Variants in VPS13D observed in about 807,000 individuals in gnomAD.
VPS13D encodes the protein vacuolar protein sorting 13 homolog D.
In VPS13D, 187 loss-of-function variants were observed where a neutral mutation model predicts 461.9. The observed-to-expected ratio is 0.40, with a 90% confidence interval of 0.36 to 0.46. The LOEUF (loss-of-function observed/expected upper bound fraction) is 0.46, where lower values mean the gene tolerates loss of function less well. VPS13D is among the 20% of genes least tolerant of loss of function. VPS13D has a pLI of 0.60. For missense variants in VPS13D, 4,711 were observed against 5,364.9 expected (o/e 0.88, Z 3.81); for synonymous variants, 1,951 against 1,986.3 (o/e 0.98, Z 0.47).
At position 12,258,047 on chromosome 1, in the gene VPS13D, T is replaced by TA; in HGVS notation, c.1055dup (p.Tyr352Ter). The TA allele has an allele frequency of 1.2e-6, 2 of 1,614,206 alleles. No individual in the cohort carries two copies. Among genetic ancestry groups the TA allele is most frequent in the Non-Finnish European group, 1.7e-6 (2 of 1,180,032 alleles). The part of the protein sequence containing the change: ...MLHRARDAVS[Y>*]TDKYFNKLKG... ...GCACCGCGCTCGTGATGCTGTATCT[T>TA]ACACTGACAAATATTTCAACAAGTT... is the stretch of plus-strand genomic sequence containing the variant. Residue 352 changes from tyrosine to a stop codon, truncating the protein, a stop_gained and frameshift_variant, in exon 10 of 70, where the codon TAC becomes TAAC. Transcript: ENST00000620676. LOFTEE classifies it high-confidence loss of function.
intron 27 of VPS13D, among the ~76,000 whole-genome samples, chr1:12,309,840 C>G (rs1642683395): frequency 1.3e-5 from 2 of 151,574 alleles, no homozygotes; most frequent in South Asian, 4.2e-4. Flanking sequence ...TTTTTGGCCA[C>G]TCCCTTCACA....
intron 10 of VPS13D, 74 bp from the exon 11 acceptor site, chr1:12,260,619 G>C: frequency 8.1e-7 from 1 of 1,229,152 alleles, no homozygotes; most frequent in Non-Finnish European, 1.2e-6. Flanking sequence ...TTAGTGGCTT[G>C]TGAGGGTGTC....
chr1:12,367,452 G>A (rs1644051588), intron 52 of VPS13D, among the ~76,000 whole-genome samples: 1 of 152,050 alleles, frequency 6.6e-6, no homozygotes, highest in East Asian at 1.9e-4. Context: ...ATCCCATTGA[G>A]GGAATAATTT....
At chr1:12,441,652 G>A (rs1382195280) in intron 65 of VPS13D, among the ~76,000 whole-genome samples, 1 of 152,138 alleles carries the variant, frequency 6.6e-6, no homozygotes. Flanking sequence ...GCTGATGTTG[G>A]CACGACTCCA....
chr1:12,400,960 G>GCGCGCA (rs1553188683), intron 61 of VPS13D, among the ~76,000 whole-genome samples: 2 of 130,964 alleles, frequency 1.5e-5, no homozygotes, highest in African/African-American at 6.1e-5. Flanking sequence ...ACCTGCGCGC[G>GCGCGCA]CGCACACACA....
At position 12,266,910 on chromosome 1, in the gene VPS13D, C is replaced by G. The variant is rs956643566; in HGVS notation, c.1624C>G (p.Arg542Gly). ...AAAACTTCTAGCAGAGTCTCTTCCT[C>G]GAAGAAATTCCTCGTTGCTTTCAGT... ...DVKLLAESLP[R>G]RNSSLLSVRL... Residue 542 changes from arginine to glycine, a missense_variant, in exon 14 of 70, where the codon CGA (arginine) becomes GGA (glycine). Arg to Gly is a moderately radical substitution (Grantham distance 125). This residue lies in a region of VPS13D where 4,411 missense variants were observed against 4,937.8 expected (regional missense o/e 0.89). Coordinates refer to ENST00000620676, the MANE Select transcript of VPS13D (RefSeq NM_015378.4). 6.2e-7 allele frequency: 1 copy of G among 1,604,068 alleles called. No individual in the cohort carries two copies. Among genetic ancestry groups the G allele is most frequent in the Admixed American group, 1.8e-5 (1 of 57,114 alleles).
At position 12,261,053 on chromosome 1, in the gene VPS13D, T is replaced by G. The variant is rs1342763370; in HGVS notation, c.1318T>G (p.Trp440Gly). The change falls in exon 12 of 70, where the codon TGG becomes GGG. Residue 440 changes from tryptophan to glycine, a missense_variant. Physicochemically the swap from Trp to Gly is radical, Grantham distance 184. Transcript: ENST00000620676. ...LQYLQSWFPGWGGWYGQQTPE... is the reference protein window; with the variant it reads ...LQYLQSWFPGGGGWYGQQTPE... ...GTATCTCCAGTCCTGGTTTCCTGGA[T>G]GGGGTGGCTGGTACGGGCAGCAGAC... 20 of 1,613,950 alleles carry G rather than the reference T, an allele frequency of 1.2e-5. No homozygotes were observed. The highest frequency in any genetic ancestry group is 5.0e-5 in the Admixed American group (3 of 60,000).
intron 55 of VPS13D, 41 bp from the exon 56 acceptor site, chr1:12,378,387 C>G: frequency 6.6e-7 from 1 of 1,523,118 alleles, no homozygotes. Flanking sequence ...TGTGGCTGCC[C>G]ATAATGGCTC....
In VPS13D at chr1:12,268,882, CT is replaced by C. The variant is rs1238482147; in HGVS notation, c.1972+12del. The C allele has an allele frequency of 8.7e-6, 14 of 1,600,338 alleles. No individual in the cohort carries two copies. The highest frequency in any genetic ancestry group is 1.4e-5 in the African/African-American group (1 of 73,862). On this transcript the variant is annotated splice_region_variant and intron_variant, in intron 16 of 69. Transcript: ENST00000620676. ...GGGAAAGGTTCATACCTCAGGTTAA[CT>C]TTTTTGTTTGTTTGATCTTATGTTC...
At position 12,356,795 on chromosome 1, in the gene VPS13D, G is replaced by A. The variant is rs536674703; in HGVS notation, c.9998+271G>A. Among the ~76,000 whole-genome samples, 4 of 152,256 alleles carry A rather than the reference G, an allele frequency of 2.6e-5. No individual in the cohort carries two copies. The South Asian group carries it at 8.3e-4, about 32-fold the overall frequency. ...TTTTCCTATTCATAACTCTGCCAACGAAGAGAAAGCCACGAGTTCTCCTTC... is the reference window on the plus strand; with the variant it reads ...TTTTCCTATTCATAACTCTGCCAACAAAGAGAAAGCCACGAGTTCTCCTTC... On this transcript the variant is annotated intron_variant, in intron 49 of 69. Transcript: ENST00000620676.
At chr1:12,448,957 GGCC>G (rs1322211248) in intron 65 of VPS13D, among the ~76,000 whole-genome samples, 1 of 152,162 alleles carries the variant, frequency 6.6e-6, no homozygotes, top group Non-Finnish European at 1.5e-5. Context: ...ACAGTCCTGA[GGCC>G]TGACTTCCTT....
intron 67 of VPS13D, among the ~76,000 whole-genome samples, chr1:12,486,648 T>C (rs1280115091): frequency 1.3e-5 from 2 of 152,222 alleles, no homozygotes; most frequent in African/African-American, 2.4e-5. Context: ...CCCCCCCACG[T>C]TGGAATGATC....
intron 37 of VPS13D, among the ~76,000 whole-genome samples, chr1:12,332,415 T>TA (rs1481169730): frequency 6.6e-6 from 1 of 152,228 alleles, no homozygotes; most frequent in African/African-American, 2.4e-5. Context: ...GATGTAGCAG[T>TA]ATGCTCAACA....
In VPS13D at chr1:12,342,979, G is replaced by C; in HGVS notation, c.8813G>C (p.Ser2938Thr). Reference sequence around the variant, plus strand: ...TTTCTCGATGATACTCACAATGTTAGTGAATGGCGAGAAGTCCTTACAGGT... The same window carrying C: ...TTTCTCGATGATACTCACAATGTTACTGAATGGCGAGAAGTCCTTACAGGT... ...GTFLDDTHNV[S>T]EWREVLTGEE... Residue 2938 changes from serine (S) to threonine (T), a missense_variant, in exon 42 of 70, where the codon AGT becomes ACT. By Grantham distance (58) the Ser-to-Thr change is moderately conservative. Around this residue, in one of 3 missense-constraint regions of VPS13D, gnomAD observed 4,411 missense variants for 4,937.8 expected, o/e 0.89. Coordinates refer to ENST00000620676, the MANE Select transcript of VPS13D (RefSeq NM_015378.4). 6.2e-7 allele frequency: 1 copy of C among 1,613,990 alleles called. No individual in the cohort carries two copies. The highest frequency in any genetic ancestry group is 8.5e-7 in the Non-Finnish European group (1 of 1,179,896).
At position 12,456,376 on chromosome 1, in the gene VPS13D, T is replaced by C. The variant is rs188670785; in HGVS notation, c.12466+246T>C. Among the ~76,000 whole-genome samples the C allele has an allele frequency of 7.9e-5, 12 of 151,510 alleles. No homozygotes were observed. The East Asian group carries it at 1.7e-3, about 22-fold the overall frequency. ...AATTAGGCCAGGCACAGTGGCTCAATCCTGTAATCCCAGCATTTTGGGAGG... is the reference window on the plus strand; with the variant it reads ...AATTAGGCCAGGCACAGTGGCTCAACCCTGTAATCCCAGCATTTTGGGAGG... On this transcript the variant is annotated intron_variant, in intron 66 of 69. Transcript: ENST00000620676.
chr1:12,323,513 C>T (rs1191803787), intron 34 of VPS13D, among the ~76,000 whole-genome samples, 193 bp from the exon 35 acceptor site: 1 of 151,876 alleles, frequency 6.6e-6, no homozygotes, highest in African/African-American at 2.4e-5. Context: ...AAAACACAGT[C>T]AATATGAGGA....
chr1:12,365,694 A>G (rs540374073), intron 52 of VPS13D, among the ~76,000 whole-genome samples: 2 of 147,584 alleles, frequency 1.4e-5, no homozygotes, highest in African/African-American at 5.1e-5. Context: ...ACAGAGTGAG[A>G]CTCTGTCTCA....
chr1:12,296,231 G>T (rs985193947), intron 24 of VPS13D, among the ~76,000 whole-genome samples: 6 of 152,146 alleles, frequency 3.9e-5, no homozygotes, highest in African/African-American at 1.4e-4. Flanking sequence ...CTCTTCACTA[G>T]ATAAAGCCAG....
Position 12,358,538 on chromosome 1 carries a change from A to C in VPS13D, c.10078A>C (p.Ser3360Arg), listed in dbSNP as rs901479658. 1 of 1,614,056 alleles carries C rather than the reference A, an allele frequency of 6.2e-7. No individual in the cohort carries two copies. The highest frequency in any genetic ancestry group is 1.7e-5 in the Admixed American group (1 of 59,998). ...TCAGGGCTTCTCCCTGGATGGTGGT[A>C]GTGGTGTCCGAGCTTTGAAAGTCAT... ...WCQGFSLDGGSGVRALKVIQQ... is the reference protein window; with the variant it reads ...WCQGFSLDGGRGVRALKVIQQ... The change falls in exon 50 of 70, where the codon AGT becomes CGT. Residue 3360 changes from serine to arginine, a missense_variant. Transcript: ENST00000620676.
Sources: gnomAD v4.1 joint callset for allele counts (sites outside exome capture counted in the v4.1 genomes callset) on GRCh38, gnomAD v4.1.1 for gene constraint, gnomAD v4.1.1 regional missense constraint, MANE v1.5 for transcripts, NCBI Gene and HGNC (gene_info 2026-07-23, HGNC 2026-07-21) for gene names.